Variants in ACSL3 observed in about 807,000 individuals in gnomAD.
ACSL3 encodes fatty acid CoA ligase Acsl3.
ACSL3 carries 34 observed loss-of-function variants against 84.7 expected under a neutral mutation model. The ratio of observed to expected loss-of-function variants is 0.40; its 90% CI spans 0.31 to 0.53. ACSL3 has a LOEUF of 0.53. Among genes scored for constraint, ACSL3 ranks in the 20% least tolerant of loss-of-function variants. ACSL3 has a pLI of 0.48. For missense variants in ACSL3, 680 were observed against 873.1 expected (o/e 0.78, Z 2.79); for synonymous variants, 315 against 299.4 (o/e 1.05, Z -0.54).
At chr2:222,899,079 T>G (rs1447479755) in intron 2 of ACSL3, among the ~76,000 whole-genome samples, 1 of 151,840 alleles carries the variant, frequency 6.6e-6, no homozygotes, top group Non-Finnish European at 1.5e-5. Flanking sequence ...GCTTTCACCG[T>G]CATACGATAT....
intron 1 of ACSL3, among the ~76,000 whole-genome samples, chr2:222,862,495 T>C (rs10439277): frequency 6.6e-6 from 1 of 151,902 alleles, no homozygotes; most frequent in East Asian, 1.9e-4. Context: ...TTCCCCAAAT[T>C]AGTTCTGAGA....
intron 11 of ACSL3, among the ~76,000 whole-genome samples, chr2:222,926,741 C>G (rs1363229629): frequency 6.6e-6 from 1 of 152,024 alleles, no homozygotes; most frequent in East Asian, 1.9e-4. Flanking sequence ...TGGCCATAAG[C>G]AAGGGTTTTC....
At chr2:222,874,444 A>C (rs1695393676) in intron 1 of ACSL3, among the ~76,000 whole-genome samples, 1 of 152,228 alleles carries the variant, frequency 6.6e-6, no homozygotes. Flanking sequence ...TAATCCCAGG[A>C]CTTCGGGAGG....
At chr2:222,930,482 G>C in intron 13 of ACSL3, 139 bp from the exon 14 acceptor site, 1 of 607,744 alleles carries the variant, frequency 1.6e-6, no homozygotes, top group East Asian at 2.9e-5. Flanking sequence ...GATAAACTTT[G>C]TTCATTCATA....
intron 1 of ACSL3, among the ~76,000 whole-genome samples, chr2:222,880,459 T>C (rs1335975747): frequency 6.6e-6 from 1 of 152,142 alleles, no homozygotes; most frequent in African/African-American, 2.4e-5. Context: ...ACATGAAGTA[T>C]TTTAAACTTG....
intron 11 of ACSL3, among the ~76,000 whole-genome samples, chr2:222,925,030 C>A (rs1696841021): frequency 1.5e-5 from 2 of 137,258 alleles, no homozygotes; most frequent in Non-Finnish European, 1.6e-5. Context: ...GAATCCGTCT[C>A]AAAAAAAAAA....
intron 1 of ACSL3, among the ~76,000 whole-genome samples, chr2:222,875,055 C>CT (rs1268204434): frequency 6.6e-6 from 1 of 151,994 alleles, no homozygotes; most frequent in African/African-American, 2.4e-5. Context: ...AAAAATTTAG[C>CT]TTTTGATTTA....
chr2:222,905,694 A>G (rs777486368), intron 3 of ACSL3, among the ~76,000 whole-genome samples: 7 of 152,154 alleles, frequency 4.6e-5, no homozygotes, highest in Non-Finnish European at 8.8e-5. Flanking sequence ...CAGTCTTTGG[A>G]TTACTACACA....
intron 1 of ACSL3, among the ~76,000 whole-genome samples, chr2:222,863,713 C>A (rs1201606193): frequency 2.6e-5 from 4 of 152,098 alleles, no homozygotes; most frequent in Non-Finnish European, 5.9e-5. Context: ...GGTCATTTAA[C>A]TTAAAAGTCT....
intron 1 of ACSL3, among the ~76,000 whole-genome samples, chr2:222,882,219 A>T (rs1303428600): frequency 1.3e-5 from 2 of 152,184 alleles, no homozygotes; most frequent in African/African-American, 4.8e-5. Context: ...TAAATTTTCT[A>T]AGTCCTTGAA....
chr2:222,907,933 A>G (rs1199826145), intron 3 of ACSL3, among the ~76,000 whole-genome samples: 3 of 151,548 alleles, frequency 2.0e-5, no homozygotes, highest in East Asian at 3.9e-4. Context: ...GTCACTTTCT[A>G]TTTTCCTTAC....
At position 222,944,584 on chromosome 2, in the gene ACSL3, T is replaced by C. The variant is rs1697413186; in HGVS notation, c.*2930T>C. ...ATGGTATGGACTATTTATTTGTAAT[T>C]TGACATAAAGTTTGAAGAATAAAGA... On this transcript the variant is annotated 3_prime_UTR_variant, in exon 17 of 17. Transcript: ENST00000357430. 6.6e-6 allele frequency: 1 copy of C among 152,016 alleles called. No individual in the cohort carries two copies. Among genetic ancestry groups the C allele is most frequent in the Admixed American group, 6.6e-5 (1 of 15,264 alleles). 9.4% of individuals were successfully genotyped at this position (152,016 alleles called of 1,614,324 possible).
chr2:222,908,233 A>G (rs750989501), intron 3 of ACSL3, among the ~76,000 whole-genome samples: 8 of 152,194 alleles, frequency 5.3e-5, no homozygotes, highest in Non-Finnish European at 7.3e-5. Context: ...CATTGTGGAA[A>G]ATGAATTTTT....
At chr2:222,868,879 A>G (rs1283994239) in intron 1 of ACSL3, among the ~76,000 whole-genome samples, 5 of 151,888 alleles carry the variant, frequency 3.3e-5, no homozygotes, top group Non-Finnish European at 7.4e-5. Context: ...CTGAGACAGG[A>G]GAATTGCTTG....
At position 222,943,507 on chromosome 2, in the gene ACSL3, T is replaced by C. The variant is rs1697381936; in HGVS notation, c.*1853T>C. ...AAGTGTGAATGCTTCAAAGGAGAGATACTGATAATTGTGACTTGAAATAGT... is the reference window on the plus strand; with the variant it reads ...AAGTGTGAATGCTTCAAAGGAGAGACACTGATAATTGTGACTTGAAATAGT... On this transcript the variant is annotated 3_prime_UTR_variant, in exon 17 of 17. Transcript: ENST00000357430. 1.2e-5 allele frequency: 2 copies of C among 165,090 alleles called. No individual in the cohort carries two copies. Among genetic ancestry groups the C allele is most frequent in the Admixed American group, 6.4e-5 (1 of 15,552 alleles). The allele number at this position is 165,090 out of a possible 1,614,324, so 10.2% of individuals were successfully genotyped here.
chr2:222,916,545 A>G, intron 5 of ACSL3, 49 bp downstream of exon 5: 1 of 1,477,806 alleles, frequency 6.8e-7, no homozygotes, highest in Non-Finnish European at 9.0e-7. Flanking sequence ...ACTGATATTT[A>G]TTGAAATACT....
chr2:222,879,389 A>C, intron 1 of ACSL3, among the ~76,000 whole-genome samples: 1 of 151,466 alleles, frequency 6.6e-6, no homozygotes, highest in East Asian at 1.9e-4. Context: ...GCTATCTACA[A>C]CATTTTCATT....
At chr2:222,869,954 A>G (rs546647912) in intron 1 of ACSL3, among the ~76,000 whole-genome samples, 2 of 152,312 alleles carry the variant, frequency 1.3e-5, no homozygotes, top group East Asian at 3.9e-4. Context: ...ATAGAAAGGG[A>G]GAACTAGCAG....
At chr2:222,929,010 G>A (rs1696954002) in intron 13 of ACSL3, 74 bp downstream of exon 13, 1 of 1,272,796 alleles carries the variant, frequency 7.9e-7, no homozygotes, top group Non-Finnish European at 1.1e-6. Flanking sequence ...TCACTTTCTT[G>A]CTTTAGAATG....
Sources: gnomAD v4.1 joint callset for allele counts (sites outside exome capture counted in the v4.1 genomes callset) on GRCh38, gnomAD v4.1.1 for gene constraint, MANE v1.5 for transcripts, NCBI Gene and HGNC (gene_info 2026-07-23, HGNC 2026-07-21) for gene names.